Variants in DTNA observed in about 807,000 individuals in gnomAD.
DTNA encodes the protein dystrophin-related protein 3.
A neutral mutation model predicts 100.7 loss-of-function variants in DTNA; 43 were observed. The ratio of observed to expected loss-of-function variants is 0.43; its 90% CI spans 0.33 to 0.55. The LOEUF is 0.55. Ranked by LOEUF, DTNA falls within the 20% of genes least tolerant of loss-of-function variation. The pLI, the probability that DTNA is intolerant of heterozygous loss-of-function variation, is 0.04. For synonymous variants in DTNA, 349 were observed against 347.9 expected (o/e 1.00, Z -0.04); for missense variants, 798 against 953.9 (o/e 0.84, Z 2.15).
chr18:34,820,976 C>T, intron 9 of DTNA, 61 bp downstream of exon 9: 16 of 1,611,316 alleles, frequency 9.9e-6, no homozygotes, highest in Non-Finnish European at 1.4e-5. Context: ...TGTCTGGAGC[C>T]ACACAAAAGC....
At chr18:34,655,901 T>C (rs1365437914) in intron 1 of DTNA, among the ~76,000 whole-genome samples, 1 of 152,200 alleles carries the variant, frequency 6.6e-6, no homozygotes, top group Admixed American at 6.5e-5. Flanking sequence ...AATTAAGTCT[T>C]CATTTTACCT....
intron 17 of DTNA, among the ~76,000 whole-genome samples, chr18:34,865,339 C>A (rs1273983865): frequency 6.9e-6 from 1 of 144,320 alleles, no homozygotes; most frequent in African/African-American, 2.6e-5. Context: ...TTTTTTGTTT[C>A]TTTCTTGATT....
intron 1 of DTNA, among the ~76,000 whole-genome samples, chr18:34,511,068 G>A (rs2041034352): frequency 6.6e-6 from 1 of 151,990 alleles, no homozygotes; most frequent in South Asian, 2.1e-4. Flanking sequence ...GAAAGACAAA[G>A]CCACATTAAG....
chr18:34,866,910 T>C, intron 17 of DTNA: 2 of 1,134,656 alleles, frequency 1.8e-6, no homozygotes, highest in South Asian at 8.8e-5. Flanking sequence ...GCATTGTGAC[T>C]TTATAGCCTA....
chr18:34,743,262 C>A (rs1260988817), intron 1 of DTNA, among the ~76,000 whole-genome samples: 1 of 152,124 alleles, frequency 6.6e-6, no homozygotes, highest in African/African-American at 2.4e-5. Context: ...GATCTTGCAG[C>A]CATAACTTTT....
At chr18:34,665,088 A>G (rs2075723424) in intron 1 of DTNA, among the ~76,000 whole-genome samples, 1 of 151,942 alleles carries the variant, frequency 6.6e-6, no homozygotes, top group African/African-American at 2.4e-5. Context: ...TGTCATATGC[A>G]AGGCCACCAG....
chr18:34,647,369 A>G (rs1201895229), intron 1 of DTNA, among the ~76,000 whole-genome samples: 2 of 152,184 alleles, frequency 1.3e-5, no homozygotes, highest in African/African-American at 4.8e-5. Context: ...CTCTTGGACC[A>G]CAGAATTCCT....
intron 1 of DTNA, among the ~76,000 whole-genome samples, chr18:34,559,146 C>G (rs566266918): frequency 6.6e-6 from 1 of 152,150 alleles, no homozygotes; most frequent in Non-Finnish European, 1.5e-5. Context: ...CCCTACTTGA[C>G]TCTAGGAAGG....
intron 1 of DTNA, among the ~76,000 whole-genome samples, chr18:34,553,646 C>T (rs1601779583): frequency 1.3e-5 from 2 of 151,960 alleles, no homozygotes; most frequent in East Asian, 1.9e-4. Context: ...AATCCTTTCC[C>T]TATTGCTTGT....
At chr18:34,740,816 A>AG (rs1376066561) in intron 1 of DTNA, among the ~76,000 whole-genome samples, 8 of 151,430 alleles carry the variant, frequency 5.3e-5, no homozygotes. Flanking sequence ...AAAAAAAAAA[A>AG]GAAAAGAAAG....
At chr18:34,813,122 C>T (rs1360995115) in intron 6 of DTNA, among the ~76,000 whole-genome samples, 1 of 152,080 alleles carries the variant, frequency 6.6e-6, no homozygotes, top group Non-Finnish European at 1.5e-5. Context: ...CATAGAAATC[C>T]ATACATTAAA....
At chr18:34,680,501 A>C (rs915089872) in intron 1 of DTNA, among the ~76,000 whole-genome samples, 1 of 152,186 alleles carries the variant, frequency 6.6e-6, no homozygotes, top group African/African-American at 2.4e-5. Flanking sequence ...CTATGTTTAC[A>C]ATTCCAATAA....
intron 1 of DTNA, among the ~76,000 whole-genome samples, chr18:34,742,299 A>C (rs2090787381): frequency 6.6e-6 from 1 of 152,200 alleles, no homozygotes. Context: ...TCTGAGATCC[A>C]GAAGTCTGAA....
rs558890453 is a variant in DTNA, at chr18:34,813,714, A to G, written c.603+1601A>G. Among the ~76,000 whole-genome samples, 107 of 152,066 alleles carry G rather than the reference A, an allele frequency of 7.0e-4. 2 individuals are homozygous for G. Among genetic ancestry groups the G allele is most frequent in the South Asian group, 4.2e-4 (2 of 4,816 alleles). ...CTAAAAATACAAAAATTAGCCGGGC[A>G]TGGTGGCAGGCACCTGTAGTCCCAG... On this transcript the variant is annotated intron_variant, in intron 6 of 22. Coordinates refer to ENST00000444659, the MANE Select transcript of DTNA (RefSeq NM_001386795.1).
intron 1 of DTNA, among the ~76,000 whole-genome samples, chr18:34,648,648 A>G (rs2143698104): frequency 6.6e-6 from 1 of 152,312 alleles, no homozygotes; most frequent in African/African-American, 2.4e-5. Context: ...GTGTTGCTTT[A>G]TTCAGATTCT....
intron 1 of DTNA, among the ~76,000 whole-genome samples, chr18:34,558,806 G>A (rs1045992054): frequency 6.6e-6 from 1 of 152,176 alleles, no homozygotes; most frequent in Non-Finnish European, 1.5e-5. Flanking sequence ...AGACTGAAAT[G>A]TATGTGCTGT....
intron 15 of DTNA, among the ~76,000 whole-genome samples, chr18:34,856,299 C>T (rs1470033966): frequency 6.6e-6 from 1 of 152,140 alleles, no homozygotes; most frequent in Admixed American, 6.5e-5. Context: ...TGGAAACCCA[C>T]CCAGGGAACT....
intron 1 of DTNA, among the ~76,000 whole-genome samples, chr18:34,614,533 A>T (rs898014836): frequency 1.3e-4 from 20 of 152,186 alleles, no homozygotes; most frequent in Admixed American, 7.2e-4. Flanking sequence ...TCATGGCAGG[A>T]GGTCAAAATA....
chr18:34,792,848 C>T (rs1056911051), intron 3 of DTNA, among the ~76,000 whole-genome samples: 5 of 151,998 alleles, frequency 3.3e-5, no homozygotes, highest in African/African-American at 1.2e-4. Context: ...ATTTTGAATC[C>T]CTCATTGTCT....
Sources: allele counts gnomAD v4.1 joint callset (sites outside exome capture counted in the v4.1 genomes callset), GRCh38; gene constraint gnomAD v4.1.1; transcripts MANE v1.5; gene names NCBI Gene and HGNC (gene_info 2026-07-23, HGNC 2026-07-21).